Variants in MTCL2 observed in about 807,000 individuals in gnomAD.
The protein encoded by MTCL2 is microtubule crosslinking factor 2.
chr20:36,804,690 T>G, the MTCL2 span: 3 of 1,600,052 alleles, frequency 1.9e-6, no homozygotes, highest in Non-Finnish European at 2.6e-6. Context: ...GCTAAAGGCT[T>G]GGCTGAGAGT....
the MTCL2 span, chr20:36,863,066 G>T: frequency 7.1e-7 from 1 of 1,404,836 alleles, no homozygotes. The surrounding 1 kb of genome is among the most constrained non-coding windows in gnomAD (Gnocchi z 6.2). Flanking sequence ...CACGGACCCC[G>T]GTGCGGACCC....
At chr20:36,815,997 T>C in the MTCL2 span, 5 of 1,613,608 alleles carry the variant, frequency 3.1e-6, no homozygotes, top group South Asian at 5.5e-5. This position sits in a 1 kb window ranked among gnomAD's most constrained non-coding sequence, Gnocchi z 5.3. Context: ...TCCATGATCC[T>C]TCATGTCGTC....
the MTCL2 span, chr20:36,786,641 G>T: frequency 6.5e-7 from 1 of 1,548,154 alleles, no homozygotes. Flanking sequence ...CAGCGTCCTA[G>T]GAAGAGGGAG....
the MTCL2 span, among the ~76,000 whole-genome samples, chr20:36,805,406 T>C: frequency 2.6e-5 from 4 of 152,154 alleles, no homozygotes; most frequent in African/African-American, 2.4e-5. Flanking sequence ...CTCTGACTTA[T>C]GGCTTGATTT....
chr20:36,788,433 C>T, the MTCL2 span, among the ~76,000 whole-genome samples: 11 of 151,880 alleles, frequency 7.2e-5, no homozygotes, highest in South Asian at 4.2e-4. Flanking sequence ...GGGTGGATCA[C>T]GAGGTCAGGA....
the MTCL2 span, among the ~76,000 whole-genome samples, chr20:36,843,214 A>T: frequency 6.6e-6 from 1 of 152,142 alleles, no homozygotes; most frequent in African/African-American, 2.4e-5. Flanking sequence ...GATGGGGAGG[A>T]CTGCTCTGCT....
the MTCL2 span, among the ~76,000 whole-genome samples, chr20:36,829,729 G>A: frequency 6.6e-6 from 1 of 152,038 alleles, no homozygotes. Context: ...CGGGCGCAGT[G>A]GCTCACACCT....
chr20:36,790,888 A>AT, the MTCL2 span, among the ~76,000 whole-genome samples: 721 of 152,154 alleles, frequency 4.7e-3, 8 homozygotes, highest in African/African-American at 0.017. Flanking sequence ...AAAGGAATAA[A>AT]TATTTAAAAG....
At chr20:36,801,484 G>C in the MTCL2 span, among the ~76,000 whole-genome samples, 3 of 151,790 alleles carry the variant, frequency 2.0e-5, no homozygotes, top group South Asian at 4.2e-4. Context: ...GCTGAGGTAG[G>C]AGGATGGCTT....
At chr20:36,861,876 G>A in the MTCL2 span, among the ~76,000 whole-genome samples, 1 of 152,200 alleles carries the variant, frequency 6.6e-6, no homozygotes, top group Non-Finnish European at 1.5e-5. Flanking sequence ...GAAGCCCTAG[G>A]GTCCCCACAT....
the MTCL2 span, chr20:36,817,409 G>A: frequency 1.3e-6 from 2 of 1,588,334 alleles, no homozygotes; most frequent in Non-Finnish European, 1.7e-6. Context: ...GGAATTACCT[G>A]CACCAAAGTC....
the MTCL2 span, chr20:36,804,859 A>G: frequency 6.2e-7 from 1 of 1,613,936 alleles, no homozygotes; most frequent in Non-Finnish European, 8.5e-7. Flanking sequence ...CAGCTCCTTC[A>G]GCGTCACCTT....
At chr20:36,788,090 A>G in the MTCL2 span, among the ~76,000 whole-genome samples, 3 of 150,902 alleles carry the variant, frequency 2.0e-5, no homozygotes, top group Admixed American at 6.7e-5. Context: ...AGTCCCAGCT[A>G]CTTGGGAGAC....
the MTCL2 span, among the ~76,000 whole-genome samples, chr20:36,797,219 G>A: frequency 1.3e-5 from 2 of 152,270 alleles, no homozygotes; most frequent in East Asian, 3.9e-4. Flanking sequence ...TGTGGTGACT[G>A]CAACAAAGCA....
At chr20:36,862,546 C>T in the MTCL2 span, 1 of 1,056,702 alleles carries the variant, frequency 9.5e-7, no homozygotes, top group Non-Finnish European at 1.3e-6. Context: ...AGGGCTTGGG[C>T]CCCTTTCTCC....
the MTCL2 span, among the ~76,000 whole-genome samples, chr20:36,849,653 G>A: frequency 2.6e-5 from 4 of 152,038 alleles, no homozygotes; most frequent in South Asian, 2.1e-4. Flanking sequence ...TTACCAGCCT[G>A]GGCTGGTAAA....
the MTCL2 span, chr20:36,794,447 T>G: frequency 1.9e-5 from 31 of 1,613,886 alleles, no homozygotes; most frequent in African/African-American, 3.1e-4. The surrounding 1 kb of genome is among the most constrained non-coding windows in gnomAD (Gnocchi z 5.4). Flanking sequence ...AGGCTTCTCC[T>G]TGGTGTCTTT....
chr20:36,809,727 G>A, the MTCL2 span, among the ~76,000 whole-genome samples: 1 of 151,922 alleles, frequency 6.6e-6, no homozygotes, highest in African/African-American at 2.4e-5. Context: ...AGGCGTGCTA[G>A]TGCACGCCTG....
chr20:36,806,032 T>C, the MTCL2 span: 1 of 1,280,184 alleles, frequency 7.8e-7, no homozygotes, highest in South Asian at 1.5e-5. Flanking sequence ...GGGCACCATG[T>C]AGGTCGAGGA....
Sources: allele counts gnomAD v4.1 joint callset (sites outside exome capture counted in the v4.1 genomes callset), GRCh38; gene constraint gnomAD v4.1.1; non-coding constraint Gnocchi (gnomAD v3.1); transcripts MANE v1.5; gene names NCBI Gene and HGNC (gene_info 2026-07-23, HGNC 2026-07-21).